The following RYK variants were observed in gnomAD, a reference collection of about 807,000 sequenced individuals.
RYK encodes receptor like tyrosine kinase, also known as inactive tyrosine-protein kinase RYK.
In RYK, 21 loss-of-function variants were observed where a neutral mutation model predicts 70.2. That is an observed-to-expected ratio of 0.30 (90% CI 0.21 to 0.43). RYK has a LOEUF of 0.43. Ranked by LOEUF, RYK falls within the 20% of genes least tolerant of loss-of-function variation. The probability of loss-of-function intolerance (pLI) is 1.00; values close to 1 mark genes in which losing one functional copy is unlikely to be tolerated. For missense variants in RYK, 604 were observed against 753.3 expected (o/e 0.80, Z 2.32); for synonymous variants, 267 against 278.0 (o/e 0.96, Z 0.39).
intron 13 of RYK, among the ~76,000 whole-genome samples, chr3:134,166,577 T>G (rs988365255): frequency 6.6e-6 from 1 of 152,238 alleles, no homozygotes; most frequent in Non-Finnish European, 1.5e-5. Context: ...CAACATTGGA[T>G]GCTAACCAGG....
At chr3:134,205,835 A>AC (rs1459872186) in intron 5 of RYK, among the ~76,000 whole-genome samples, 1 of 151,698 alleles carries the variant, frequency 6.6e-6, no homozygotes, top group East Asian at 1.9e-4. Flanking sequence ...TACATTATAA[A>AC]CCCCCGAGGA....
intron 8 of RYK, 137 bp downstream of exon 8, chr3:134,191,711 TA>T: frequency 1.5e-6 from 1 of 647,578 alleles, no homozygotes; most frequent in Non-Finnish European, 2.4e-6. Context: ...ATAATTTTTA[TA>T]AAAGAAAAAC....
At chr3:134,240,227 T>C (rs1026418588) in intron 1 of RYK, among the ~76,000 whole-genome samples, 2 of 152,218 alleles carry the variant, frequency 1.3e-5, no homozygotes, top group Non-Finnish European at 2.9e-5. Flanking sequence ...TGTCTAGATT[T>C]GCTTCAAAAT....
Position 134,207,485 on chromosome 3 carries a change from A to C in RYK, c.630T>G (p.Thr210=), listed in dbSNP as rs1204360494. Residue 210 remains threonine, a synonymous_variant, in exon 5 of 15, where the codon ACT becomes ACG. Transcript: ENST00000623711. ...EVKTSALDKN[T]SRTIYDPVHA... is the part of the protein sequence containing the mutation. ...AGTAACACTTACAAATAGTTCTGCT[A>C]GTGTTTTTGTCCAAGGCTGAAGTTT... 1.3e-6 allele frequency: 2 copies of C among 1,540,242 alleles called. No individual in the cohort carries two copies. Among genetic ancestry groups the C allele is most frequent in the Admixed American group, 4.0e-5 (2 of 50,334 alleles).
intron 4 of RYK, among the ~76,000 whole-genome samples, chr3:134,208,229 T>C (rs2014275453): frequency 6.6e-6 from 1 of 152,218 alleles, no homozygotes; most frequent in Non-Finnish European, 1.5e-5. Context: ...TTAGCAGATA[T>C]TAGCACTGGT....
intron 1 of RYK, among the ~76,000 whole-genome samples, chr3:134,228,495 G>C (rs571171338): frequency 6.6e-6 from 1 of 152,142 alleles, no homozygotes; most frequent in Non-Finnish European, 1.5e-5. Context: ...TGTACACAAT[G>C]TAGTATTATT....
chr3:134,192,742 T>C (rs966348577), intron 7 of RYK, among the ~76,000 whole-genome samples: 1 of 152,096 alleles, frequency 6.6e-6, no homozygotes, highest in African/African-American at 2.4e-5. Context: ...CCCCCAAAAT[T>C]AGTGGACCTA....
At chr3:134,243,697 T>C (rs576563884) in intron 1 of RYK, among the ~76,000 whole-genome samples, 1 of 152,336 alleles carries the variant, frequency 6.6e-6, no homozygotes, top group Admixed American at 6.5e-5. Context: ...TGCTCTTTTC[T>C]GCCTATCAAA....
intron 13 of RYK, among the ~76,000 whole-genome samples, chr3:134,172,479 A>C (rs1363968499): frequency 6.6e-6 from 1 of 152,260 alleles, no homozygotes; most frequent in Non-Finnish European, 1.5e-5. Context: ...TTTCTGAATA[A>C]AGATTTGGCA....
At chr3:134,163,993 A>T (rs1161631679) in intron 13 of RYK, among the ~76,000 whole-genome samples, 1 of 152,102 alleles carries the variant, frequency 6.6e-6, no homozygotes, top group Non-Finnish European at 1.5e-5. Context: ...ATTTTATTTA[A>T]TTAATTATTT....
At position 134,175,600 on chromosome 3, in the gene RYK, G is replaced by A. The variant is rs374499475; in HGVS notation, c.1575+9C>T. ...TATTCTTTTGCTATCTGGGGGTCCCGGCACTTACCACATCACTAGCGCTAG... is the reference window on the plus strand; with the variant it reads ...TATTCTTTTGCTATCTGGGGGTCCCAGCACTTACCACATCACTAGCGCTAG... On this transcript the variant is annotated intron_variant, in intron 13 of 14. Transcript: ENST00000623711. The A allele has an allele frequency of 2.2e-5, 36 of 1,611,994 alleles. No individual in the cohort carries two copies. Among genetic ancestry groups the A allele is most frequent in the African/African-American group, 1.1e-4 (8 of 74,796 alleles).
intron 7 of RYK, among the ~76,000 whole-genome samples, chr3:134,193,296 G>A (rs1006413599): frequency 2.6e-5 from 4 of 151,464 alleles, no homozygotes; most frequent in Admixed American, 6.6e-5. Flanking sequence ...CCATTCTCCT[G>A]CCTCAGCCTC....
chr3:134,218,543 G>A (rs1047921828), intron 2 of RYK, among the ~76,000 whole-genome samples: 1 of 152,162 alleles, frequency 6.6e-6, no homozygotes, highest in African/African-American at 2.4e-5. Context: ...TTCAGGTAAA[G>A]AATGAAAAAA....
chr3:134,191,305 C>G (rs1352207434), intron 8 of RYK, among the ~76,000 whole-genome samples: 2 of 152,206 alleles, frequency 1.3e-5, no homozygotes, highest in African/African-American at 2.4e-5. Context: ...TGTGTTCATT[C>G]ATTTACTGTA....
intron 5 of RYK, among the ~76,000 whole-genome samples, chr3:134,204,591 C>CCACACACACACACACACACACA (rs59154111): frequency 7.1e-6 from 1 of 140,694 alleles, no homozygotes; most frequent in Non-Finnish European, 1.5e-5. Flanking sequence ...ACAGCCACAG[C>CCACACACACACACACACACACA]CACACACACA....
intron 6 of RYK, among the ~76,000 whole-genome samples, chr3:134,197,713 T>C (rs1353327145): frequency 1.3e-5 from 2 of 152,128 alleles, no homozygotes; most frequent in African/African-American, 4.8e-5. Flanking sequence ...AGGAAATAAA[T>C]GGGATTAAGA....
At chr3:134,193,552 T>C (rs1244114313) in intron 7 of RYK, among the ~76,000 whole-genome samples, 2 of 152,232 alleles carry the variant, frequency 1.3e-5, no homozygotes, top group Admixed American at 6.5e-5. Context: ...AGGTCACGTA[T>C]AACAATTAAG....
In RYK at chr3:134,178,016, T is replaced by C. The variant is rs759072069; in HGVS notation, c.1230A>G (p.Ile410Met). Residue 410 changes from isoleucine to methionine, a missense_variant, in exon 11 of 15, where the codon ATA becomes ATG. Ile to Met is a conservative substitution (Grantham distance 10). Around this residue, in one of 2 missense-constraint regions of RYK, gnomAD observed 466 missense variants for 535.9 expected, o/e 0.87. Coordinates refer to ENST00000623711, the MANE Select transcript of RYK (RefSeq NM_002958.4). ...CIEEGEKPMV[I>M]LPYMNWGNLK... Reference sequence around the variant, plus strand: ...GATTCCCCCAATTCATGTAAGGCAATATCACCATGGGCTTTTCTCCTTCTT... The same window carrying C: ...GATTCCCCCAATTCATGTAAGGCAACATCACCATGGGCTTTTCTCCTTCTT... The C allele has an allele frequency of 2.0e-5, 32 of 1,608,710 alleles. No homozygotes were observed. Among genetic ancestry groups the C allele is most frequent in the Admixed American group, 8.3e-5 (5 of 59,916 alleles).
At chr3:134,249,924 T>TTG (rs2015564238) in intron 1 of RYK, among the ~76,000 whole-genome samples, 7 of 135,992 alleles carry the variant, frequency 5.1e-5, no homozygotes, top group Admixed American at 5.1e-4. Context: ...CTCGTTTTTT[T>TTG]TTTTTTTTTT....
Sources: allele counts gnomAD v4.1 joint callset (sites outside exome capture counted in the v4.1 genomes callset), GRCh38; gene constraint gnomAD v4.1.1; regional missense constraint gnomAD v4.1.1; transcripts MANE v1.5; gene names NCBI Gene and HGNC (gene_info 2026-07-23, HGNC 2026-07-21).